The following ARHGAP26 variants were observed in gnomAD, a reference collection of about 807,000 sequenced individuals.
ARHGAP26 encodes Rho GTPase activating protein 26.
ARHGAP26 carries 38 observed loss-of-function variants against 104.8 expected under a neutral mutation model. That is an observed-to-expected ratio of 0.36 (90% confidence interval 0.28 to 0.48). ARHGAP26 has a LOEUF of 0.48. ARHGAP26 is among the 20% of genes least tolerant of loss of function. The pLI is 0.99. For missense variants in ARHGAP26, 704 were observed against 947.9 expected, an observed-to-expected ratio of 0.74 and a Z score of 3.38; for synonymous variants, 341 against 340.0, an observed-to-expected ratio of 1.00 and a Z score of -0.03.
chr5:142,855,234 G>A (rs1374320793), intron 1 of ARHGAP26, among the ~76,000 whole-genome samples: 6 of 152,128 alleles, frequency 3.9e-5, no homozygotes, highest in Middle Eastern at 3.2e-3. Context: ...GAAAGGGCAG[G>A]GGTGGGAAGA....
intron 13 of ARHGAP26, among the ~76,000 whole-genome samples, chr5:143,039,004 G>A (rs929387929): frequency 2.6e-4 from 40 of 152,026 alleles, no homozygotes; most frequent in Middle Eastern, 3.4e-3. Context: ...TTTATAATAC[G>A]TGAAAAATGC....
intron 11 of ARHGAP26, among the ~76,000 whole-genome samples, chr5:142,947,420 T>C (rs886352840): frequency 5.9e-5 from 9 of 152,214 alleles, no homozygotes; most frequent in African/African-American, 2.2e-4. Context: ...GTCATCTTTC[T>C]CCTACAGTAG....
intron 13 of ARHGAP26, among the ~76,000 whole-genome samples, chr5:143,041,035 AAGCTGGAG>A (rs1242301655): frequency 1.3e-5 from 2 of 152,220 alleles, no homozygotes; most frequent in African/African-American, 4.8e-5. Context: ...ATAAAATAGG[AAGCTGGAG>A]CTCTATTACT....
chr5:143,085,140 G>A (rs925615953), intron 17 of ARHGAP26, among the ~76,000 whole-genome samples: 9 of 151,554 alleles, frequency 5.9e-5, no homozygotes, highest in East Asian at 3.9e-4. Context: ...TCCCGGCCCC[G>A]GAAACTCTTG....
intron 20 of ARHGAP26, among the ~76,000 whole-genome samples, chr5:143,181,911 G>C (rs146690142): frequency 5.1e-4 from 78 of 152,330 alleles, no homozygotes; most frequent in African/African-American, 1.7e-3. Flanking sequence ...GGTCTACATG[G>C]TCAGCCATTG....
At chr5:143,060,026 A>G (rs1410657445) in intron 17 of ARHGAP26, among the ~76,000 whole-genome samples, 2 of 152,330 alleles carry the variant, frequency 1.3e-5, no homozygotes, top group African/African-American at 2.4e-5. Flanking sequence ...GAGGAGTTCT[A>G]AGATTCCACT....
chr5:143,111,000 G>A (rs1320364505), intron 17 of ARHGAP26, among the ~76,000 whole-genome samples: 1 of 152,234 alleles, frequency 6.6e-6, no homozygotes, highest in Non-Finnish European at 1.5e-5. Context: ...ATAAAATGCA[G>A]GTTGGCCTAT....
chr5:142,916,217 A>G (rs1762468668), intron 10 of ARHGAP26, among the ~76,000 whole-genome samples: 1 of 152,254 alleles, frequency 6.6e-6, no homozygotes, highest in Non-Finnish European at 1.5e-5. Flanking sequence ...AGTGTGAAGT[A>G]TGTGACTTAG....
intron 1 of ARHGAP26, among the ~76,000 whole-genome samples, chr5:142,797,343 T>C (rs1258271041): frequency 6.6e-6 from 1 of 152,194 alleles, no homozygotes. Flanking sequence ...AGAATTGTGA[T>C]CTGTGGGATT....
intron 20 of ARHGAP26, among the ~76,000 whole-genome samples, chr5:143,180,690 T>G (rs1804204941): frequency 6.6e-6 from 1 of 152,006 alleles, no homozygotes; most frequent in Non-Finnish European, 1.5e-5. Flanking sequence ...TATAAAACCA[T>G]CAGATCTCAT....
Position 143,073,543 on chromosome 5 carries a change from C to T in ARHGAP26, c.1538+15796C>T, listed in dbSNP as rs184241354. ...GGCTAATTATTTATTTCCCTATTGG[C>T]GGTAGGGGAGAGCATTGGCCCAGCA... is the stretch of plus-strand genomic sequence containing the variant. On this transcript the variant is annotated intron_variant, in intron 17 of 22. Coordinates refer to ENST00000645722, the MANE Select transcript of ARHGAP26 (RefSeq NM_001135608.3). Among the ~76,000 whole-genome samples, 10 of 152,262 alleles carry T rather than the reference C, an allele frequency of 6.6e-5. No homozygotes were observed. The East Asian group carries it at 9.6e-4, about 15-fold the overall frequency.
At chr5:142,777,684 C>T (rs1214140766) in intron 1 of ARHGAP26, among the ~76,000 whole-genome samples, 3 of 152,064 alleles carry the variant, frequency 2.0e-5, no homozygotes, top group Non-Finnish European at 4.4e-5. Flanking sequence ...CCTCCAGAGC[C>T]CTAGACTAGA....
intron 10 of ARHGAP26, among the ~76,000 whole-genome samples, chr5:142,922,458 A>G (rs1562085967): frequency 6.6e-6 from 1 of 152,010 alleles, no homozygotes; most frequent in Non-Finnish European, 1.5e-5. Flanking sequence ...TGTAGAAAAA[A>G]ATAATCATGA....
intron 12 of ARHGAP26, among the ~76,000 whole-genome samples, chr5:143,031,243 AT>A (rs1781792425): frequency 1.3e-5 from 2 of 152,200 alleles, no homozygotes. Context: ...GCAAGTAAGG[AT>A]TGGGGTTATT....
At chr5:143,086,907 C>T (rs1790665880) in intron 17 of ARHGAP26, among the ~76,000 whole-genome samples, 2 of 152,180 alleles carry the variant, frequency 1.3e-5, no homozygotes. Flanking sequence ...TTGGATCCTC[C>T]CCGCCTACCC....
At chr5:142,900,894 A>G (rs1208416859) in intron 6 of ARHGAP26, among the ~76,000 whole-genome samples, 3 of 152,324 alleles carry the variant, frequency 2.0e-5, no homozygotes, top group Non-Finnish European at 4.4e-5. Context: ...GTCAGCCTTC[A>G]GAAGCCGAAG....
chr5:143,216,542 C>T (rs140559694), intron 22 of ARHGAP26: 27 of 327,696 alleles, frequency 8.2e-5, no homozygotes, highest in African/African-American at 5.6e-4. Flanking sequence ...AACCTGCCAC[C>T]TGTCACCTAA....
At chr5:143,170,447 A>G (rs1257254006) in intron 20 of ARHGAP26, 1 of 152,326 alleles carries the variant, frequency 6.6e-6, no homozygotes, top group East Asian at 1.9e-4. Context: ...TCTGCCAGGA[A>G]TCACATTGAG....
chr5:142,983,406 A>G (rs1774234749), intron 11 of ARHGAP26, among the ~76,000 whole-genome samples: 1 of 152,174 alleles, frequency 6.6e-6, no homozygotes, highest in South Asian at 2.1e-4. Context: ...GGTTTACACC[A>G]TGTTGGCCAG....
Sources: gnomAD v4.1 joint callset for allele counts (sites outside exome capture counted in the v4.1 genomes callset) on GRCh38, gnomAD v4.1.1 for gene constraint, MANE v1.5 for transcripts, NCBI Gene and HGNC (gene_info 2026-07-23, HGNC 2026-07-21) for gene names.